Variants in HYDIN observed in about 807,000 individuals in gnomAD.
The protein encoded by HYDIN is HYDIN axonemal central pair apparatus protein.
HYDIN carries 132 observed loss-of-function variants against 403.9 expected under a neutral mutation model. That is an observed-to-expected ratio of 0.33 (90% CI 0.28 to 0.38). HYDIN has a LOEUF of 0.38. HYDIN is among the 10% of genes least tolerant of loss of function. The pLI is 1.00. For synonymous variants in HYDIN, 1,202 were observed against 1,891.7 expected (o/e 0.64, Z 9.46); for missense variants, 2,827 against 5,009.5 (o/e 0.56, Z 13.15).
intron 1 of HYDIN, among the ~76,000 whole-genome samples, chr16:71,201,263 T>C (rs1041810580): frequency 6.6e-6 from 1 of 152,244 alleles, no homozygotes; most frequent in Non-Finnish European, 1.5e-5. Context: ...ATGCCTTGCA[T>C]AGTGATTGGC....
Position 71,021,158 on chromosome 16 carries a change from T to C in HYDIN, c.3187-841A>G, listed in dbSNP as rs192774437. 5.4e-4 allele frequency among the ~76,000 whole-genome samples: 82 copies of C among 151,850 alleles called. 1 individual carries two copies. The East Asian group carries it at 0.015, about 28-fold the overall frequency. On this transcript the variant is annotated intron_variant, in intron 21 of 85. Transcript: ENST00000393567. ...ATTTCCTGTAAACTTTTCCTGATAA[T>C]ACCAGGATAGTTGATTTAGAAGTAT... is the stretch of plus-strand genomic sequence containing the variant.
rs752741076 is a variant in HYDIN at position 70,920,716 on chromosome 16, C to T, written c.7660G>A (p.Glu2554Lys). ...TTCTCCTTCTTCCCTTCGTGGTCCT[C>T]CTCCCCTTCCCCCTCCCAGTCGCTC... ...ERSDWEGEGEEDHEGKKEKDL... is the reference protein window; with the variant it reads ...ERSDWEGEGEKDHEGKKEKDL... The change falls in exon 46 of 86, where the codon GAG becomes AAG. Residue 2554 changes from glutamate (E) to lysine (K), a missense_variant. Physicochemically the swap from Glu to Lys is moderately conservative, Grantham distance 56. Transcript: ENST00000393567. 1.6e-5 allele frequency: 25 copies of T among 1,594,906 alleles called. No homozygotes were observed. The South Asian group carries it at 2.7e-4, about 17-fold the overall frequency.
chr16:71,218,406 A>G (rs979296222), intron 1 of HYDIN, among the ~76,000 whole-genome samples: 1 of 152,164 alleles, frequency 6.6e-6, no homozygotes, highest in Non-Finnish European at 1.5e-5. Flanking sequence ...TCCACACAGA[A>G]CCTTTCTTCT....
At chr16:70,961,250 G>C (rs2078411310) in intron 38 of HYDIN, among the ~76,000 whole-genome samples, 1 of 152,186 alleles carries the variant, frequency 6.6e-6, no homozygotes, top group African/African-American at 2.4e-5. Flanking sequence ...AACATAGCCA[G>C]GGTGGATTAA....
chr16:70,951,015 G>A lies in HYDIN; in HGVS notation c.6531+1406C>T, dbSNP rs567977802. Among the ~76,000 whole-genome samples, 35 of 152,212 alleles carry A rather than the reference G, an allele frequency of 2.3e-4. No homozygotes were observed. The East Asian group carries it at 5.2e-3, about 23-fold the overall frequency. ...AGGCAGAGGCAGAGCCAGGAGGATCGCTTGAGGCCAAGAGTTCAAGACCAG... is the reference window on the plus strand; with the variant it reads ...AGGCAGAGGCAGAGCCAGGAGGATCACTTGAGGCCAAGAGTTCAAGACCAG... On this transcript the variant is annotated intron_variant, in intron 41 of 85. Transcript: ENST00000393567.
At chr16:71,022,570 C>A (rs2080537171) in intron 21 of HYDIN, among the ~76,000 whole-genome samples, 1 of 151,998 alleles carries the variant, frequency 6.6e-6, no homozygotes, top group Non-Finnish European at 1.5e-5. Flanking sequence ...GGAGACAGAA[C>A]AGATAATTGG....
chr16:70,984,446 A>G (rs1186010378), intron 28 of HYDIN, among the ~76,000 whole-genome samples: 3 of 145,712 alleles, frequency 2.1e-5, no homozygotes, highest in African/African-American at 5.1e-5. Flanking sequence ...GGGAAAAAAA[A>G]CCAAAAGGGG....
At chr16:71,186,391 A>C (rs951278487) in intron 2 of HYDIN, among the ~76,000 whole-genome samples, 1 of 152,104 alleles carries the variant, frequency 6.6e-6, no homozygotes, top group African/African-American at 2.4e-5. Context: ...ACTCTTGCCA[A>C]TCGGTAGGTA....
rs1477621296 is a variant in HYDIN at position 70,868,581 on chromosome 16, T to C, written c.11299A>G (p.Thr3767Ala). Residue 3767 changes from threonine to alanine, a missense_variant, in exon 66 of 86, where the codon ACA becomes GCA. Coordinates refer to ENST00000393567, the MANE Select transcript of HYDIN (RefSeq NM_001270974.2). ...VPRNMPGTFT[T>A]KRKVIETDPE... Reference sequence around the variant, plus strand: ...ATGTCCCCACTTACTTTTCGTTTTGTAGTGAAAGTCCCAGGCATGTTTCTG... The same window carrying C: ...ATGTCCCCACTTACTTTTCGTTTTGCAGTGAAAGTCCCAGGCATGTTTCTG... 7 of 1,611,380 alleles carry C rather than the reference T, an allele frequency of 4.3e-6. No individual in the cohort carries two copies. In the African/African-American group the frequency reaches 9.4e-5, roughly 22 times the overall value.
At chr16:71,065,406 G>A (rs2144287031) in intron 15 of HYDIN, among the ~76,000 whole-genome samples, 1 of 152,064 alleles carries the variant, frequency 6.6e-6, no homozygotes, top group African/African-American at 2.4e-5. Context: ...TGAGGTGGGG[G>A]GAGAGGGAGG....
rs746663625 is a variant in HYDIN, at chr16:70,833,987, T to C, written c.13579A>G (p.Ile4527Val). Residue 4527 changes from isoleucine to valine, a missense_variant, in exon 79 of 86, where the codon ATC becomes GTC. Transcript: ENST00000393567. ...GGAATATGTTCCTGGTCCAGTGAGATCTCCAGGGCCTGGCAGCAGCCGCTA... is the reference window on the plus strand; with the variant it reads ...GGAATATGTTCCTGGTCCAGTGAGACCTCCAGGGCCTGGCAGCAGCCGCTA... ...LLSGCCQALE[I>V]SLDQEHIPFG... The C allele has an allele frequency of 1.9e-6, 3 of 1,609,586 alleles. No homozygotes were observed. The highest frequency in any genetic ancestry group is 2.7e-5 in the African/African-American group (2 of 74,680).
rs540618930 is a variant in HYDIN at position 70,838,764 on chromosome 16, T to C, written c.13044-876A>G. ...TCTTAGGGCTGTTGTGAGGATTAAATGAGATTAAGTGACTGAAACAGTCAT... is the reference window on the plus strand; with the variant it reads ...TCTTAGGGCTGTTGTGAGGATTAAACGAGATTAAGTGACTGAAACAGTCAT... On this transcript the variant is annotated intron_variant, in intron 76 of 85. Transcript: ENST00000393567. 7.3e-5 allele frequency among the ~76,000 whole-genome samples: 11 copies of C among 151,084 alleles called. No homozygotes were observed. In the South Asian group the frequency reaches 2.3e-3, roughly 32 times the overall value.
rs566834372 is a variant in HYDIN, at chr16:70,932,824, G to T, written c.7158+3128C>A. Reference sequence around the variant, plus strand: ...TCACCCATCGAATCTAGTCAGCAAGGATTAAAAGGAATGCTAAAACCTATA... The same window carrying T: ...TCACCCATCGAATCTAGTCAGCAAGTATTAAAAGGAATGCTAAAACCTATA... On this transcript the variant is annotated intron_variant, in intron 45 of 85. Coordinates refer to ENST00000393567, the MANE Select transcript of HYDIN (RefSeq NM_001270974.2). Among the ~76,000 whole-genome samples, 222 of 152,260 alleles carry T rather than the reference G, an allele frequency of 1.5e-3. 1 individual carries two copies. The highest frequency in any genetic ancestry group is 2.8e-3 in the Non-Finnish European group (188 of 68,020).
intron 18 of HYDIN, among the ~76,000 whole-genome samples, chr16:71,040,551 T>A (rs1184338459): frequency 1.5e-5 from 2 of 135,184 alleles, no homozygotes; most frequent in African/African-American, 5.7e-5. Flanking sequence ...TCCCAGTTTT[T>A]TCTGTTTGAT....
At chr16:71,037,885 C>A (rs1188705265) in intron 18 of HYDIN, among the ~76,000 whole-genome samples, 2 of 152,186 alleles carry the variant, frequency 1.3e-5, no homozygotes, top group African/African-American at 2.4e-5. Flanking sequence ...GACCCCTTAC[C>A]CACGGAAACT....
At chr16:71,056,076 T>C (rs2144252084) in intron 18 of HYDIN, among the ~76,000 whole-genome samples, 1 of 151,964 alleles carries the variant, frequency 6.6e-6, no homozygotes, top group Admixed American at 6.5e-5. Context: ...AGAGCGCGCA[T>C]TCTCCTGCCA....
At chr16:70,812,321 C>T (rs2035558964) in intron 84 of HYDIN, among the ~76,000 whole-genome samples, 1 of 149,024 alleles carries the variant, frequency 6.7e-6, no homozygotes, top group Non-Finnish European at 1.5e-5. Context: ...GAAACCCTGT[C>T]TCTACTAAAA....
chr16:71,124,071 C>T (rs2084357128), intron 9 of HYDIN, among the ~76,000 whole-genome samples: 1 of 151,232 alleles, frequency 6.6e-6, no homozygotes, highest in Non-Finnish European at 1.5e-5. Context: ...ACTCCCACCT[C>T]TGAGCCCTGG....
intron 1 of HYDIN, among the ~76,000 whole-genome samples, chr16:71,215,945 T>C (rs777999760): frequency 1.2e-4 from 19 of 152,114 alleles, no homozygotes; most frequent in Non-Finnish European, 2.6e-4. Context: ...ATGTACTAGA[T>C]AGGCAAAATC....
Sources: allele counts gnomAD v4.1 joint callset (sites outside exome capture counted in the v4.1 genomes callset), GRCh38; gene constraint gnomAD v4.1.1; transcripts MANE v1.5; gene names NCBI Gene and HGNC (gene_info 2026-07-23, HGNC 2026-07-21).